Variants in SDK2 observed in about 807,000 individuals in gnomAD.
SDK2 encodes the protein sidekick cell adhesion molecule 2.
A neutral mutation model predicts 253.9 loss-of-function variants in SDK2; 105 were observed. The observed-to-expected ratio is 0.41, with a 90% CI of 0.35 to 0.49. The LOEUF is 0.49. Among genes scored for constraint, SDK2 ranks in the 20% least tolerant of loss-of-function variants. The probability of loss-of-function intolerance (pLI) is 0.06; values close to 1 mark genes in which losing one functional copy is unlikely to be tolerated. For missense variants in SDK2, 2,608 were observed against 3,003.0 expected (o/e 0.87, Z 3.07); for synonymous variants, 1,249 against 1,234.9 (o/e 1.01, Z -0.24).
Position 73,383,801 on chromosome 17 carries a change from G to A in SDK2, c.4705+75C>T, listed in dbSNP as rs2062850646. ...CAGGTTAGAGTGGTTCCAGGAAGCT[G>A]AGAGCTCCAGAGCGGGAAGGTGAGG... On this transcript the variant is annotated intron_variant, in intron 33 of 44. Transcript: ENST00000392650. This position sits in a 1 kb window ranked among gnomAD's most constrained non-coding sequence, Gnocchi z 4.3. 5 of 1,580,632 alleles carry A rather than the reference G, an allele frequency of 3.2e-6. No individual in the cohort carries two copies. The highest frequency in any genetic ancestry group is 4.3e-6 in the Non-Finnish European group (5 of 1,155,480).
intron 1 of SDK2, among the ~76,000 whole-genome samples, chr17:73,561,012 G>A (rs1045334660): frequency 8.5e-5 from 13 of 152,100 alleles, no homozygotes; most frequent in African/African-American, 2.7e-4. Context: ...AGCAAAATCA[G>A]GACCCCCTCC....
chr17:73,559,081 T>C (rs2045188158), intron 1 of SDK2, among the ~76,000 whole-genome samples: 3 of 152,154 alleles, frequency 2.0e-5, no homozygotes, highest in South Asian at 2.1e-4. Context: ...TTCTCTCTTC[T>C]CTATGGGGAG....
intron 18 of SDK2, among the ~76,000 whole-genome samples, chr17:73,408,750 G>A (rs1166605350): frequency 1.3e-5 from 2 of 152,066 alleles, no homozygotes; most frequent in Non-Finnish European, 1.5e-5. Context: ...GAGAGAGAAA[G>A]AATCTATAGA....
At chr17:73,450,976 A>G (rs2063486462) in intron 4 of SDK2, among the ~76,000 whole-genome samples, 1 of 152,196 alleles carries the variant, frequency 6.6e-6, no homozygotes, top group Non-Finnish European at 1.5e-5. Flanking sequence ...CCCTTGTGTC[A>G]TGGACTGCAG....
At chr17:73,486,003 T>C (rs147981166) in intron 2 of SDK2, among the ~76,000 whole-genome samples, 25 of 152,304 alleles carry the variant, frequency 1.6e-4, no homozygotes, top group African/African-American at 5.3e-4. Flanking sequence ...GTCTTTGCCA[T>C]AGACTGGAGA....
intron 18 of SDK2, among the ~76,000 whole-genome samples, chr17:73,412,103 TATAC>T (rs1568389514): frequency 0.029 from 1,589 of 54,614 alleles, 48 homozygotes; most frequent in South Asian, 0.084. Flanking sequence ...CGTATATATG[TATAC>T]GTATATATGT....
At chr17:73,434,464 G>T (rs1262932925) in intron 9 of SDK2, among the ~76,000 whole-genome samples, 1 of 152,196 alleles carries the variant, frequency 6.6e-6, no homozygotes, top group Admixed American at 6.5e-5. Flanking sequence ...CACCTTTGGG[G>T]CACACCTACA....
chr17:73,643,969 TC>T lies in SDK2; in HGVS notation c.64+55del. The T allele has an allele frequency of 7.8e-6, 3 of 383,770 alleles. No individual in the cohort carries two copies. Among genetic ancestry groups the T allele is most frequent in the East Asian group, 1.2e-4 (2 of 16,440 alleles). 23.8% of individuals were successfully genotyped at this position (383,770 alleles called of 1,614,324 possible). A position where few individuals can be genotyped will look rare whatever the true frequency, so the allele number is the denominator to read the frequency against. On this transcript the variant is annotated intron_variant, in intron 1 of 44. Transcript: ENST00000392650. The surrounding 1 kb of genome is among the most constrained non-coding windows in gnomAD (Gnocchi z 6.9). ...GAGGCCGGCCAGCTCCCGCCGCCCC[TC>T]CCCCGCCCACTCTCCCAGCCCCCTC...
chr17:73,603,576 T>C (rs2045869879), intron 1 of SDK2, among the ~76,000 whole-genome samples: 1 of 152,186 alleles, frequency 6.6e-6, no homozygotes, highest in Non-Finnish European at 1.5e-5. Context: ...TCCCTGTAGC[T>C]CCCACTCTCA....
intron 1 of SDK2, among the ~76,000 whole-genome samples, chr17:73,610,544 T>G (rs1206209051): frequency 6.6e-6 from 1 of 152,224 alleles, no homozygotes; most frequent in East Asian, 1.9e-4. Flanking sequence ...ACTGCTTCAC[T>G]GCAGCCACAA....
chr17:73,449,212 C>G (rs188249803), intron 4 of SDK2, among the ~76,000 whole-genome samples: 1 of 152,290 alleles, frequency 6.6e-6, no homozygotes, highest in South Asian at 2.1e-4. Context: ...CCACCCACAC[C>G]GGCTCTTCCT....
At chr17:73,567,535 G>A (rs1345749184) in intron 1 of SDK2, among the ~76,000 whole-genome samples, 3 of 152,222 alleles carry the variant, frequency 2.0e-5, no homozygotes, top group East Asian at 1.9e-4. Context: ...AGACCTCAGC[G>A]TGGTACAGCC....
At chr17:73,637,384 T>C (rs1325976739) in intron 1 of SDK2, among the ~76,000 whole-genome samples, 13 of 152,084 alleles carry the variant, frequency 8.5e-5, no homozygotes, top group African/African-American at 3.1e-4. Flanking sequence ...TAAATAATTA[T>C]TATTATTGTT....
intron 1 of SDK2, among the ~76,000 whole-genome samples, chr17:73,634,698 G>A (rs2046309076): frequency 1.3e-5 from 2 of 152,220 alleles, no homozygotes; most frequent in African/African-American, 4.8e-5. Context: ...AGCTGTCGGG[G>A]CAGGGGCACC....
At chr17:73,420,109 G>A (rs989922468) in intron 15 of SDK2, among the ~76,000 whole-genome samples, 7 of 152,200 alleles carry the variant, frequency 4.6e-5, no homozygotes, top group Non-Finnish European at 1.0e-4. Context: ...CGGGCATGGC[G>A]TGTGAGGGAG....
At chr17:73,407,092 A>G (rs2063085292) in intron 18 of SDK2, among the ~76,000 whole-genome samples, 1 of 152,234 alleles carries the variant, frequency 6.6e-6, no homozygotes, top group African/African-American at 2.4e-5. Flanking sequence ...TATCTTAAAA[A>G]ATATTGTTTA....
At chr17:73,539,375 C>T (rs565444291) in intron 1 of SDK2, among the ~76,000 whole-genome samples, 3 of 152,070 alleles carry the variant, frequency 2.0e-5, no homozygotes, top group Non-Finnish European at 4.4e-5. Context: ...GCAGGGTCAG[C>T]GGGAAGGGAG....
chr17:73,430,315 G>T (rs1170027501), intron 12 of SDK2, among the ~76,000 whole-genome samples, 196 bp downstream of exon 12: 2 of 152,140 alleles, frequency 1.3e-5, no homozygotes, highest in East Asian at 3.9e-4. Context: ...ACTCAATTCA[G>T]GGTAGCTCAG....
intron 3 of SDK2, among the ~76,000 whole-genome samples, chr17:73,470,321 A>C (rs1313993673): frequency 6.6e-6 from 1 of 152,190 alleles, no homozygotes; most frequent in Non-Finnish European, 1.5e-5. Flanking sequence ...ATCCTTGTGC[A>C]CACACCCGCA....
Sources: allele counts gnomAD v4.1 joint callset (sites outside exome capture counted in the v4.1 genomes callset), GRCh38; gene constraint gnomAD v4.1.1; non-coding constraint Gnocchi (gnomAD v3.1); transcripts MANE v1.5; gene names NCBI Gene and HGNC (gene_info 2026-07-23, HGNC 2026-07-21).